ADAMTSL1: variants seen among roughly 807,000 people sequenced by gnomAD.
ADAMTSL1 encodes the protein ADAMTS like 1.
In ADAMTSL1, 126 loss-of-function variants were observed where a neutral mutation model predicts 201.8. The ratio of observed to expected loss-of-function variants is 0.62; its 90% CI spans 0.54 to 0.72. ADAMTSL1 has a LOEUF of 0.72. ADAMTSL1 is among the 30% of genes least tolerant of loss of function. ADAMTSL1 has a pLI of 0.00. For missense variants in ADAMTSL1, 2,679 were observed against 2,277.8 expected (o/e 1.18, Z -3.59); for synonymous variants, 1,121 against 903.4 (o/e 1.24, Z -4.32).
intron 2 of ADAMTSL1, among the ~76,000 whole-genome samples, chr9:18,328,947 A>G (rs1178052347): frequency 2.0e-5 from 3 of 152,028 alleles, no homozygotes; most frequent in Non-Finnish European, 4.4e-5. Flanking sequence ...AGCTTGGATG[A>G]TTGTCCAATC....
intron 2 of ADAMTSL1, among the ~76,000 whole-genome samples, chr9:18,433,472 C>A (rs1421404276): frequency 1.3e-5 from 2 of 151,890 alleles, no homozygotes; most frequent in South Asian, 2.1e-4. Context: ...GTAATATTGC[C>A]ATTAAGAAAA....
intron 1 of ADAMTSL1, among the ~76,000 whole-genome samples, chr9:17,920,149 A>G (rs150676286): frequency 6.6e-6 from 1 of 152,268 alleles, no homozygotes; most frequent in Admixed American, 6.5e-5. Context: ...AAAAGTTCTT[A>G]ATTTATGTAA....
At chr9:17,921,766 A>AT (rs550374361) in intron 1 of ADAMTSL1, among the ~76,000 whole-genome samples, 1 of 151,410 alleles carries the variant, frequency 6.6e-6, no homozygotes, top group African/African-American at 2.4e-5. Context: ...AAATGTCAGA[A>AT]TTTTTTTTTA....
chr9:18,520,710 G>A (rs1441614447), intron 2 of ADAMTSL1, among the ~76,000 whole-genome samples: 1 of 152,182 alleles, frequency 6.6e-6, no homozygotes, highest in Non-Finnish European at 1.5e-5. Flanking sequence ...ATGATGCCTG[G>A]CAGCATGCCA....
At chr9:18,330,625 C>T (rs1469241849) in intron 2 of ADAMTSL1, among the ~76,000 whole-genome samples, 1 of 152,072 alleles carries the variant, frequency 6.6e-6, no homozygotes, top group East Asian at 1.9e-4. Context: ...ATCTTATTTC[C>T]ATTTTATAGA....
At chr9:18,802,736 T>C (rs1025245358) in intron 20 of ADAMTSL1, among the ~76,000 whole-genome samples, 3 of 152,154 alleles carry the variant, frequency 2.0e-5, no homozygotes, top group African/African-American at 7.2e-5. Context: ...AGGAGTGAAA[T>C]TTCTGGGTTG....
chr9:18,357,775 A>T (rs1435900871), intron 2 of ADAMTSL1, among the ~76,000 whole-genome samples: 1 of 152,028 alleles, frequency 6.6e-6, no homozygotes, highest in African/African-American at 2.4e-5. Flanking sequence ...ATTGGAAAAC[A>T]TGAAAATGAA....
rs1049228920 is a variant in ADAMTSL1, at chr9:18,623,910, G to A, written c.601+1541G>A. On this transcript the variant is annotated intron_variant, in intron 5 of 28. Coordinates refer to ENST00000380548, the MANE Select transcript of ADAMTSL1 (RefSeq NM_001040272.6). ...GTTATCTTTACTTGCTGACTAGCTGGAGGAAAACAATTGACATATGGAGAG... is the reference window on the plus strand; with the variant it reads ...GTTATCTTTACTTGCTGACTAGCTGAAGGAAAACAATTGACATATGGAGAG... 1.3e-3 allele frequency among the ~76,000 whole-genome samples: 202 copies of A among 152,282 alleles called. 1 individual carries two copies. The highest frequency in any genetic ancestry group is 4.3e-3 in the African/African-American group (178 of 41,556).
rs190424373 is a variant in ADAMTSL1, at chr9:18,269,993, G to A, written c.207+106012G>A. On this transcript the variant is annotated intron_variant, in intron 2 of 29. Coordinates refer to the ADAMTSL1 transcript ENST00000680146. ...TTTGGAAGGTTTATAATCTAATGCC[G>A]TCTCTACAAGACTCCTTCCCATAAT... Among the ~76,000 whole-genome samples the A allele has an allele frequency of 2.2e-3, 337 of 152,102 alleles. 4 individuals carry two copies. Among genetic ancestry groups the A allele is most frequent in the Admixed American group, 0.019 (285 of 15,262 alleles).
intron 4 of ADAMTSL1, among the ~76,000 whole-genome samples, chr9:18,601,869 G>GTA (rs1214376524): frequency 1.3e-5 from 2 of 151,824 alleles, no homozygotes; most frequent in Non-Finnish European, 2.9e-5. Context: ...AGCTTCTGAT[G>GTA]TATAGTAAAA....
chr9:17,961,261 T>A (rs1378060728), intron 1 of ADAMTSL1, among the ~76,000 whole-genome samples: 1 of 152,094 alleles, frequency 6.6e-6, no homozygotes, highest in Non-Finnish European at 1.5e-5. Flanking sequence ...TATTATTATT[T>A]TTTTGAGATG....
At chr9:18,817,006 G>A (rs1823900079) in intron 20 of ADAMTSL1, 103 bp from the exon 21 acceptor site, 5 of 1,438,998 alleles carry the variant, frequency 3.5e-6, no homozygotes, top group Non-Finnish European at 4.6e-6. Flanking sequence ...GCAAAAGTCT[G>A]GGTAGACCAG....
At chr9:18,846,300 T>C (rs1419684183) in intron 23 of ADAMTSL1, among the ~76,000 whole-genome samples, 1 of 152,074 alleles carries the variant, frequency 6.6e-6, no homozygotes, top group African/African-American at 2.4e-5. Flanking sequence ...GCTGGGGGCT[T>C]TTCAGGTCTC....
intron 10 of ADAMTSL1, among the ~76,000 whole-genome samples, 191 bp from the exon 11 acceptor site, chr9:18,680,121 C>A (rs1387308764): frequency 6.6e-6 from 1 of 152,094 alleles, no homozygotes; most frequent in Non-Finnish European, 1.5e-5. Flanking sequence ...TTTGCAGAGC[C>A]CTTTTGCCAA....
chr9:18,603,523 G>C (rs1436784132), intron 4 of ADAMTSL1, among the ~76,000 whole-genome samples: 3 of 152,144 alleles, frequency 2.0e-5, no homozygotes, highest in African/African-American at 7.2e-5. Context: ...CATCTTGTTA[G>C]AAAGAGGCCA....
chr9:18,022,542 TA>T (rs1002095170), intron 1 of ADAMTSL1, among the ~76,000 whole-genome samples: 3 of 151,120 alleles, frequency 2.0e-5, no homozygotes, highest in Admixed American at 1.3e-4. Flanking sequence ...AACGTAATGT[TA>T]TTTTTTTTTT....
chr9:18,140,722 A>G (rs757470528), intron 1 of ADAMTSL1, among the ~76,000 whole-genome samples: 6 of 152,218 alleles, frequency 3.9e-5, no homozygotes, highest in African/African-American at 9.6e-5. Context: ...CCAACTTTCC[A>G]GAAGCCAACC....
chr9:17,969,509 G>C (rs1411330698), intron 1 of ADAMTSL1, among the ~76,000 whole-genome samples: 4 of 152,028 alleles, frequency 2.6e-5, no homozygotes, highest in Non-Finnish European at 5.9e-5. Flanking sequence ...AAGGAGTTAA[G>C]GTCATATACA....
intron 3 of ADAMTSL1, among the ~76,000 whole-genome samples, chr9:18,559,050 G>C (rs1036304309): frequency 1.3e-5 from 2 of 152,056 alleles, no homozygotes; most frequent in Admixed American, 6.6e-5. Context: ...TGTTGCCATT[G>C]GTTTTGGTGT....
Sources: allele counts gnomAD v4.1 joint callset (sites outside exome capture counted in the v4.1 genomes callset), GRCh38; gene constraint gnomAD v4.1.1; transcripts MANE v1.5; gene names NCBI Gene and HGNC (gene_info 2026-07-23, HGNC 2026-07-21).